GLI2: variants seen among roughly 807,000 people sequenced by gnomAD.
GLI2 encodes the protein GLI family zinc finger 2.
GLI2 carries 22 observed loss-of-function variants against 78.9 expected under a neutral mutation model. The observed-to-expected ratio is 0.28, with a 90% CI of 0.20 to 0.40. The LOEUF (loss-of-function observed/expected upper bound fraction) is 0.40, where lower values mean the gene tolerates loss of function less well. Among genes scored for constraint, GLI2 ranks in the 10% least tolerant of loss-of-function variants. GLI2 has a pLI of 1.00. For synonymous variants in GLI2, 974 were observed against 963.7 expected, an observed-to-expected ratio of 1.01 and a Z score of -0.20; for missense variants, 2,097 against 2,213.2, an observed-to-expected ratio of 0.95 and a Z score of 1.05.
At chr2:120,804,756 G>A (rs1446424328) in intron 2 of GLI2, among the ~76,000 whole-genome samples, 1 of 152,228 alleles carries the variant, frequency 6.6e-6, no homozygotes, top group African/African-American at 2.4e-5. Flanking sequence ...GGTTCACCCA[G>A]GAAGCGGGGT....
intron 2 of GLI2, among the ~76,000 whole-genome samples, chr2:120,915,479 T>C (rs1204504072): frequency 4.6e-5 from 7 of 152,218 alleles, no homozygotes; most frequent in Non-Finnish European, 8.8e-5. Context: ...GGGTGGTGGC[T>C]GGGCATCAGG....
chr2:120,883,450 G>C (rs1210980154), intron 2 of GLI2, among the ~76,000 whole-genome samples: 3 of 152,198 alleles, frequency 2.0e-5, no homozygotes, highest in Non-Finnish European at 4.4e-5. Flanking sequence ...TCGCACCACT[G>C]CACCCCAGCC....
At chr2:120,929,399 A>G (rs1343840936) in intron 3 of GLI2, among the ~76,000 whole-genome samples, 1 of 152,254 alleles carries the variant, frequency 6.6e-6, no homozygotes, top group Non-Finnish European at 1.5e-5. Flanking sequence ...TAACTTATAC[A>G]TCCATCGATG....
At chr2:120,762,252 G>C (rs1683237465) in intron 1 of GLI2, among the ~76,000 whole-genome samples, 1 of 152,202 alleles carries the variant, frequency 6.6e-6, no homozygotes, top group South Asian at 2.1e-4. Context: ...CTTTGCAAGG[G>C]GTCAGAGCTT....
chr2:120,755,082 C>A (rs1357280354), intron 1 of GLI2, among the ~76,000 whole-genome samples: 1 of 152,156 alleles, frequency 6.6e-6, no homozygotes, highest in Non-Finnish European at 1.5e-5. Flanking sequence ...AACTCCTGAC[C>A]TCAAATGGTC....
chr2:120,828,281 G>A (rs1049979630), intron 2 of GLI2, among the ~76,000 whole-genome samples: 2 of 152,290 alleles, frequency 1.3e-5, no homozygotes, highest in Non-Finnish European at 1.5e-5. Flanking sequence ...AGTTCTCCCC[G>A]CTCTCTCACC....
chr2:120,925,811 G>A (rs865958612), intron 2 of GLI2, among the ~76,000 whole-genome samples: 4 of 152,124 alleles, frequency 2.6e-5, no homozygotes, highest in African/African-American at 4.8e-5. Context: ...GGTGGCTCAC[G>A]CCTGTAATCC....
intron 1 of GLI2, among the ~76,000 whole-genome samples, chr2:120,767,765 G>T (rs1683408093): frequency 6.6e-6 from 1 of 152,252 alleles, no homozygotes; most frequent in African/African-American, 2.4e-5. Flanking sequence ...CCAGGCGCTT[G>T]TCCAGCAAGC....
intron 2 of GLI2, among the ~76,000 whole-genome samples, chr2:120,802,356 T>C (rs1684745281): frequency 6.6e-6 from 1 of 152,210 alleles, no homozygotes; most frequent in Non-Finnish European, 1.5e-5. Flanking sequence ...ATCATCTGGC[T>C]GGAGCAGTTC....
intron 2 of GLI2, among the ~76,000 whole-genome samples, chr2:120,809,895 C>T (rs932884496): frequency 1.3e-5 from 2 of 152,078 alleles, no homozygotes; most frequent in African/African-American, 4.8e-5. Context: ...CCTTTATCAC[C>T]AGATTACATC....
chr2:120,873,896 G>T (rs1688593922), intron 2 of GLI2, among the ~76,000 whole-genome samples: 1 of 152,156 alleles, frequency 6.6e-6, no homozygotes, highest in East Asian at 1.9e-4. Context: ...AATCATCTTT[G>T]TGGGGAGACA....
chr2:120,883,710 G>C (rs1367851696), intron 2 of GLI2, among the ~76,000 whole-genome samples: 1 of 152,206 alleles, frequency 6.6e-6, no homozygotes, highest in Non-Finnish European at 1.5e-5. Flanking sequence ...ACATAGCTCA[G>C]ATCTGAACCC....
intron 1 of GLI2, among the ~76,000 whole-genome samples, chr2:120,746,619 G>A (rs920096333): frequency 3.3e-5 from 5 of 152,180 alleles, no homozygotes; most frequent in African/African-American, 9.6e-5. Context: ...TTCAAGGTCT[G>A]GACTCTGGTT....
At position 120,992,366 on chromosome 2, in the gene GLI2, A is replaced by G. The variant is rs1234629553; in HGVS notation, c.*1691A>G. On this transcript the variant is annotated 3_prime_UTR_variant, in exon 14 of 14. Transcript: ENST00000361492. Reference sequence around the variant, plus strand: ...CTGTACAGAAGACATCCCTGAATATACTGTAGGTGAGTCGTCCAGCCAAAT... The same window carrying G: ...CTGTACAGAAGACATCCCTGAATATGCTGTAGGTGAGTCGTCCAGCCAAAT... 1 of 152,220 alleles carries G rather than the reference A, an allele frequency of 6.6e-6. No homozygotes were observed. The highest frequency in any genetic ancestry group is 1.9e-4 in the East Asian group (1 of 5,194). The allele number at this position is 152,220 out of a possible 1,614,324, so 9.4% of individuals were successfully genotyped here.
chr2:120,744,705 T>C (rs1289701183), intron 1 of GLI2, among the ~76,000 whole-genome samples: 2 of 152,228 alleles, frequency 1.3e-5, no homozygotes, highest in African/African-American at 4.8e-5. Context: ...TAAAATGTGC[T>C]TGTACCCAAG....
chr2:120,869,499 G>T (rs1427848446), intron 2 of GLI2, among the ~76,000 whole-genome samples: 2 of 152,092 alleles, frequency 1.3e-5, no homozygotes, highest in East Asian at 3.9e-4. Flanking sequence ...TTATGAAATG[G>T]CCATAATCCT....
At position 120,970,594 on chromosome 2, in the gene GLI2, T is replaced by G; in HGVS notation, c.1047T>G (p.Ser349Arg). The G allele has an allele frequency of 6.2e-7, 1 of 1,613,970 alleles. No homozygotes were observed. The highest frequency in any genetic ancestry group is 8.5e-7 in the Non-Finnish European group (1 of 1,179,878). Residue 349 changes from serine to arginine, a missense_variant, in exon 7 of 14, where the codon AGT becomes AGG. Ser to Arg is a moderately radical substitution (Grantham distance 110). Transcript: ENST00000361492. ...TQLSSSSNCL[S>R]DTNQNKQSSE... Reference sequence around the variant, plus strand: ...TCAGCAGCAGCAGCAACTGTCTGAGTGACACCAACCAGGTAGGTGGGTGCA... The same window carrying G: ...TCAGCAGCAGCAGCAACTGTCTGAGGGACACCAACCAGGTAGGTGGGTGCA...
intron 2 of GLI2, among the ~76,000 whole-genome samples, chr2:120,886,798 G>C (rs1677435596): frequency 6.6e-6 from 1 of 152,234 alleles, no homozygotes; most frequent in East Asian, 1.9e-4. Flanking sequence ...AGGAACCCCA[G>C]ACGTTGCTGG....
chr2:120,902,448 T>C (rs1009792358), intron 2 of GLI2, among the ~76,000 whole-genome samples: 1 of 152,088 alleles, frequency 6.6e-6, no homozygotes, highest in African/African-American at 2.4e-5. Flanking sequence ...CCTTCAAGGT[T>C]TGAGTATTTC....
Sources: gnomAD v4.1 joint callset for allele counts (sites outside exome capture counted in the v4.1 genomes callset) on GRCh38, gnomAD v4.1.1 for gene constraint, MANE v1.5 for transcripts, NCBI Gene and HGNC (gene_info 2026-07-23, HGNC 2026-07-21) for gene names.